Variants in MCCC2 observed in about 807,000 individuals in gnomAD.
MCCC2 encodes methylcrotonoyl-CoA carboxylase beta chain, mitochondrial.
A neutral mutation model predicts 77.2 loss-of-function variants in MCCC2; 52 were observed. The observed-to-expected ratio is 0.67, with a 90% CI of 0.54 to 0.85. The LOEUF (loss-of-function observed/expected upper bound fraction) is 0.85. Among genes scored for constraint, MCCC2 ranks in the 40% least tolerant of loss-of-function variants. The probability of loss-of-function intolerance (pLI) is 0.00; values close to 1 mark genes in which losing one functional copy is unlikely to be tolerated. For missense variants in MCCC2, 682 were observed against 703.2 expected, an observed-to-expected ratio of 0.97 and a Z score of 0.34; for synonymous variants, 253 against 248.4, an observed-to-expected ratio of 1.02 and a Z score of -0.18.
chr5:71,604,581 TC>T (rs1278472679), intron 6 of MCCC2, 113 bp downstream of exon 6: 1 of 765,284 alleles, frequency 1.3e-6, no homozygotes, highest in African/African-American at 1.9e-5. Flanking sequence ...CAAAATCTAA[TC>T]TTTTTTTTTT....
intron 6 of MCCC2, among the ~76,000 whole-genome samples, chr5:71,606,402 T>C (rs1745678240): frequency 6.6e-6 from 1 of 152,194 alleles, no homozygotes; most frequent in African/African-American, 2.4e-5. Context: ...TTAAGAATGC[T>C]TGTGATTTTT....
chr5:71,647,585 T>C (rs1342750556), intron 13 of MCCC2, among the ~76,000 whole-genome samples: 1 of 152,190 alleles, frequency 6.6e-6, no homozygotes, highest in East Asian at 1.9e-4. Context: ...TTTTTCAGCA[T>C]TGCATTTGAG....
At chr5:71,641,799 C>CTA (rs544974652) in intron 11 of MCCC2, among the ~76,000 whole-genome samples, 9 of 152,080 alleles carry the variant, frequency 5.9e-5, no homozygotes, top group Non-Finnish European at 8.8e-5. Context: ...AGGAAAAAAA[C>CTA]TAGCTGCAGA....
chr5:71,650,087 T>G lies in MCCC2; in HGVS notation c.1392T>G (p.Ile464Met). The G allele has an allele frequency of 6.2e-7, 1 of 1,614,178 alleles. No homozygotes were observed. The highest frequency in any genetic ancestry group is 8.5e-7 in the Non-Finnish European group (1 of 1,179,996). Residue 464 changes from isoleucine to methionine, a missense_variant, in exon 15 of 17, where the codon ATT (isoleucine) becomes ATG (methionine). Ile to Met is a conservative substitution (Grantham distance 10). Coordinates refer to ENST00000340941, the MANE Select transcript of MCCC2 (RefSeq NM_022132.5). ...CCCCCAGCCCAAGATTTCTCTACAT[T>G]TGGCCAAATGCTCGTATCTCAGTGA... The part of the protein sequence containing the change: ...GRAYSPRFLY[I>M]WPNARISVMG...
chr5:71,592,676 C>CA (rs1561816821), intron 1 of MCCC2, among the ~76,000 whole-genome samples: 1 of 152,046 alleles, frequency 6.6e-6, no homozygotes, highest in Admixed American at 6.6e-5. Flanking sequence ...ATTAGGCTTA[C>CA]AGAGGAGTAA....
intron 8 of MCCC2, among the ~76,000 whole-genome samples, chr5:71,634,527 A>G (rs1217215651): frequency 1.3e-5 from 2 of 152,350 alleles, no homozygotes; most frequent in South Asian, 2.1e-4. Context: ...AACCAACTAC[A>G]TCATGAAAGT....
Position 71,592,967 on chromosome 5 carries a change from T to C in MCCC2, c.171T>C (p.His57=), listed in dbSNP as rs1459478142. 6.2e-7 allele frequency: 1 copy of C among 1,613,436 alleles called. No homozygotes were observed. ...TGAAAGCACTAGTAAATCAGCTCCA[T>C]GAACGAGTGGAGCATATAAAACTAG... ...KQMKALVNQL[H]ERVEHIKLGG... The change falls in exon 2 of 17, where the codon CAT becomes CAC. Residue 57 remains histidine, a synonymous_variant. Coordinates refer to ENST00000340941, the MANE Select transcript of MCCC2 (RefSeq NM_022132.5).
chr5:71,622,308 T>C (rs926528235), intron 6 of MCCC2, among the ~76,000 whole-genome samples: 1 of 151,594 alleles, frequency 6.6e-6, no homozygotes, highest in African/African-American at 2.4e-5. Context: ...ACCCCATAAA[T>C]ATATAGACCT....
At chr5:71,625,636 G>A (rs1162930513) in intron 6 of MCCC2, among the ~76,000 whole-genome samples, 1 of 152,210 alleles carries the variant, frequency 6.6e-6, no homozygotes, top group Non-Finnish European at 1.5e-5. Context: ...TGATTGATAA[G>A]CAAAACTGTA....
chr5:71,607,397 G>T (rs1225499296), intron 6 of MCCC2, among the ~76,000 whole-genome samples: 1 of 150,514 alleles, frequency 6.6e-6, no homozygotes, highest in Admixed American at 6.6e-5. Context: ...ATGGTAGTTT[G>T]TATTTCTGTG....
At chr5:71,627,748 A>G (rs1561838828) in intron 7 of MCCC2, among the ~76,000 whole-genome samples, 3 of 151,958 alleles carry the variant, frequency 2.0e-5, no homozygotes, top group Non-Finnish European at 2.9e-5. Flanking sequence ...GTCTGATGAC[A>G]GCCATCTTTG....
At chr5:71,634,791 T>C (rs1007753747) in intron 8 of MCCC2, 152 bp from the exon 9 acceptor site, 132 of 706,594 alleles carry the variant, frequency 1.9e-4, no homozygotes, top group Non-Finnish European at 2.0e-4. Flanking sequence ...AAGGACTACT[T>C]AAGATGACAT....
At chr5:71,630,966 A>C (rs1183207577) in intron 7 of MCCC2, among the ~76,000 whole-genome samples, 1 of 152,150 alleles carries the variant, frequency 6.6e-6, no homozygotes, top group Non-Finnish European at 1.5e-5. Flanking sequence ...TTAGCCTTAA[A>C]TTATTTTTCT....
chr5:71,644,072 C>CGTGTGTGTGTGT (rs1188965875), intron 12 of MCCC2, among the ~76,000 whole-genome samples, 177 bp downstream of exon 12: 1 of 138,986 alleles, frequency 7.2e-6, no homozygotes, highest in Non-Finnish European at 1.5e-5. Context: ...TGTGTGTGTG[C>CGTGTGTGTGTGT]GCGCGTGTGT....
chr5:71,644,352 C>T (rs1265021322), intron 12 of MCCC2, among the ~76,000 whole-genome samples: 1 of 152,092 alleles, frequency 6.6e-6, no homozygotes, highest in African/African-American at 2.4e-5. Flanking sequence ...TGTTTATTCT[C>T]TTCTATCCCA....
chr5:71,592,901 C>G (rs1011042895), intron 1 of MCCC2, 25 bp from the exon 2 acceptor site: 1 of 1,540,432 alleles, frequency 6.5e-7, no homozygotes, highest in Non-Finnish European at 9.0e-7. Flanking sequence ...ATTTCTCTCC[C>G]CTGTCTCCTC....
At chr5:71,633,091 T>TATATATATA in intron 8 of MCCC2, among the ~76,000 whole-genome samples, 1 of 84,246 alleles carries the variant, frequency 1.2e-5, no homozygotes, top group African/African-American at 5.1e-5. Context: ...TTTTTCAGTT[T>TATATATATA]TATATATATA....
chr5:71,638,085 C>G (rs767007579), intron 10 of MCCC2, among the ~76,000 whole-genome samples: 15 of 152,222 alleles, frequency 9.9e-5, no homozygotes, highest in Admixed American at 2.0e-4. Flanking sequence ...TTATGTAATA[C>G]TCTATATCCG....
At chr5:71,641,114 C>T in intron 11 of MCCC2, 39 bp downstream of exon 11, 1 of 1,557,368 alleles carries the variant, frequency 6.4e-7, no homozygotes, top group Non-Finnish European at 8.9e-7. Flanking sequence ...ACATTTTCTG[C>T]TGCTTTGAAA....
Sources: gnomAD v4.1 joint callset for allele counts (sites outside exome capture counted in the v4.1 genomes callset) on GRCh38, gnomAD v4.1.1 for gene constraint, MANE v1.5 for transcripts, NCBI Gene and HGNC (gene_info 2026-07-23, HGNC 2026-07-21) for gene names.